The following MAVS variants were observed in gnomAD, a reference collection of about 807,000 sequenced individuals.
MAVS encodes the protein mitochondrial antiviral signaling protein, also known as mitochondrial antiviral-signaling protein.
Under a neutral mutation model 30.2 loss-of-function variants are expected in MAVS, and 20 were observed. That is an observed-to-expected ratio of 0.66 (90% CI 0.47 to 0.96). The LOEUF (loss-of-function observed/expected upper bound fraction) is 0.96. Among genes scored for constraint, MAVS ranks in the 40% least tolerant of loss-of-function variants. The probability of loss-of-function intolerance (pLI) is 0.00; values close to 1 mark genes in which losing one functional copy is unlikely to be tolerated. For synonymous variants in MAVS, 278 were observed against 293.9 expected, an observed-to-expected ratio of 0.95 and a Z score of 0.55; for missense variants, 624 against 701.1, an observed-to-expected ratio of 0.89 and a Z score of 1.24.
intron 3 of MAVS, among the ~76,000 whole-genome samples, chr20:3,859,520 A>AGAC (rs76308650): frequency 2.8e-5 from 4 of 141,804 alleles, no homozygotes; most frequent in Non-Finnish European, 6.1e-5. Flanking sequence ...AAAAAAAAAA[A>AGAC]CCCAAAAATA....
intron 3 of MAVS, among the ~76,000 whole-genome samples, chr20:3,859,388 A>T (rs528093798): frequency 5.9e-5 from 9 of 151,918 alleles, no homozygotes; most frequent in Non-Finnish European, 8.8e-5. Context: ...CAAGCCTGTA[A>T]TCCCAGCTAC....
chr20:3,866,497 C>T lies in MAVS; in HGVS notation c.*350C>T, dbSNP rs183344414. The T allele has an allele frequency of 4.5e-4, 172 of 383,658 alleles. No homozygotes were observed. Among genetic ancestry groups the T allele is most frequent in the Non-Finnish European group, 1.3e-4 (27 of 207,438 alleles). 23.8% of individuals were successfully genotyped at this position (383,658 alleles called of 1,614,324 possible). ...GTTGGCCCAGGTGGAGCAGGAGGGA[C>T]CACTGGAACATGTGGTGCTTGGGAA... is the stretch of plus-strand genomic sequence containing the variant. On this transcript the variant is annotated 3_prime_UTR_variant, in exon 7 of 7. Transcript: ENST00000428216.
At chr20:3,857,569 C>T (rs1600447825) in intron 2 of MAVS, 66 bp from the exon 3 acceptor site, 3 of 1,542,190 alleles carry the variant, frequency 1.9e-6, no homozygotes, top group Non-Finnish European at 2.6e-6. Context: ...GCTGTGGCTT[C>T]ATTCTGGGTG....
Position 3,846,849 on chromosome 20 carries a change from AG to A in MAVS, c.-119del. ...CCCGCCCCGCCTCCTCGCTGCGGGA[AG>A]GGTCCTGGGCCCCGGGCGGCGGTCG... On this transcript the variant is annotated 5_prime_UTR_variant, in exon 1 of 7. Coordinates refer to ENST00000428216, the MANE Select transcript of MAVS (RefSeq NM_020746.5). 2 of 152,400 alleles carry A rather than the reference AG, an allele frequency of 1.3e-5. No homozygotes were observed. Among genetic ancestry groups the A allele is most frequent in the Admixed American group, 1.3e-4 (2 of 15,288 alleles). The allele number at this position is 152,400 out of a possible 1,614,324, so 9.4% of individuals were successfully genotyped here.
chr20:3,864,386 CT>C lies in MAVS; in HGVS notation c.757del (p.Ser253ProfsTer50). On this transcript the variant is annotated frameshift_variant, in exon 6 of 7. Transcript: ENST00000428216. LOFTEE classifies it high-confidence loss of function. ...CAGGGTCAGTTGTATCTACTGGCACCTCCTTCTCCTCCTCATCCCCTGGCTT... is the reference window on the plus strand; with the variant it reads ...CAGGGTCAGTTGTATCTACTGGCACCCCTTCTCCTCCTCATCCCCTGGCTT... ...PTGSVVSTGT[S>X]FSSSSPGLAS... 1 of 1,614,134 alleles carries C rather than the reference CT, an allele frequency of 6.2e-7. No individual in the cohort carries two copies. Among genetic ancestry groups the C allele is most frequent in the Non-Finnish European group, 8.5e-7 (1 of 1,180,030 alleles).
In MAVS at chr20:3,854,891, C is replaced by CTTTCT; in HGVS notation, c.117+153_117+154insCTTTT. The CTTTCT allele has an allele frequency of 1.3e-5, 4 of 303,536 alleles. No individual in the cohort carries two copies. In the South Asian group the frequency reaches 1.8e-4, roughly 14 times the overall value. 18.8% of individuals were successfully genotyped at this position (303,536 alleles called of 1,614,324 possible). On this transcript the variant is annotated intron_variant, in intron 2 of 6. Transcript: ENST00000428216. ...CTTGCTCCTTGTCCTTGCTGCTTTT[C>CTTTCT]TTTTTTTTTTTTTTTTTTGAGATTG...
intron 1 of MAVS, among the ~76,000 whole-genome samples, chr20:3,851,933 C>T (rs1485358874): frequency 2.0e-5 from 3 of 150,692 alleles, no homozygotes; most frequent in Admixed American, 2.0e-4. Flanking sequence ...CCAGCCTGGG[C>T]AACAAGAGTC....
chr20:3,850,114 A>G (rs2089744709), intron 1 of MAVS, among the ~76,000 whole-genome samples: 1 of 151,294 alleles, frequency 6.6e-6, no homozygotes. Context: ...TGTCTCTACT[A>G]AAAATACAAA....
intron 1 of MAVS, among the ~76,000 whole-genome samples, chr20:3,852,077 CT>C (rs1341640399): frequency 2.0e-5 from 3 of 147,974 alleles, no homozygotes; most frequent in Non-Finnish European, 4.4e-5. Context: ...TCACTGCAAG[CT>C]CCGCCTCCCA....
chr20:3,854,746 G>C lies in MAVS; in HGVS notation c.117+5G>C, dbSNP rs760099301. The stretch of plus-strand genomic sequence containing the variant: ...TGCCTCACAGCAAGAGACCAGGTGA[G>C]CAAGGGAAGTGACAGCCCGACACTG... On this transcript the variant is annotated splice_donor_5th_base_variant and intron_variant, in intron 2 of 6. Transcript: ENST00000428216. 1 of 1,604,756 alleles carries C rather than the reference G, an allele frequency of 6.2e-7. No individual in the cohort carries two copies. The highest frequency in any genetic ancestry group is 1.3e-5 in the African/African-American group (1 of 74,838).
At chr20:3,864,944 C>T (rs569373087) in intron 6 of MAVS, among the ~76,000 whole-genome samples, 156 bp downstream of exon 6, 45 of 152,364 alleles carry the variant, frequency 3.0e-4, no homozygotes, top group African/African-American at 1.0e-3. Context: ...AGTTGAGAAC[C>T]AGCCTCATGC....
At chr20:3,854,879 C>T (rs2089796019) in intron 2 of MAVS, 138 bp downstream of exon 2, 7 of 495,738 alleles carry the variant, frequency 1.4e-5, no homozygotes, top group Non-Finnish European at 2.4e-5. Context: ...GCTCCTTGTC[C>T]TTGCTGCTTT....
chr20:3,873,126 G>A lies in MAVS; in HGVS notation c.*6979G>A, dbSNP rs1311430084. The A allele has an allele frequency of 2.0e-5, 3 of 152,230 alleles. No homozygotes were observed. Among genetic ancestry groups the A allele is most frequent in the African/African-American group, 7.2e-5 (3 of 41,446 alleles). 9.4% of individuals were successfully genotyped at this position (152,230 alleles called of 1,614,324 possible). A position where few individuals can be genotyped will look rare whatever the true frequency, so the allele number is the denominator to read the frequency against. On this transcript the variant is annotated 3_prime_UTR_variant, in exon 7 of 7. Transcript: ENST00000428216. ...ATGCTGATGAAAATATGGAGGAAATGAAACTCTCATGGGTTTTGCAGGGAA... is the reference window on the plus strand; with the variant it reads ...ATGCTGATGAAAATATGGAGGAAATAAAACTCTCATGGGTTTTGCAGGGAA...
At chr20:3,860,687 T>C (rs2089859115) in intron 3 of MAVS, among the ~76,000 whole-genome samples, 1 of 151,426 alleles carries the variant, frequency 6.6e-6, no homozygotes, top group Non-Finnish European at 1.5e-5. Flanking sequence ...TTTTTCTTTT[T>C]TTCCCCCGAG....
At chr20:3,850,123 A>G (rs2146753971) in intron 1 of MAVS, among the ~76,000 whole-genome samples, 1 of 151,432 alleles carries the variant, frequency 6.6e-6, no homozygotes, top group African/African-American at 2.4e-5. Context: ...TAAAAATACA[A>G]AAAATTAGCC....
chr20:3,867,191 C>T lies in MAVS; in HGVS notation c.*1044C>T. 1 of 391,600 alleles carries T rather than the reference C, an allele frequency of 2.6e-6. No individual in the cohort carries two copies. Among genetic ancestry groups the T allele is most frequent in the Non-Finnish European group, 5.1e-6 (1 of 195,024 alleles). 24.3% of individuals were successfully genotyped at this position (391,600 alleles called of 1,614,324 possible). ...CAGGCAGCCTAGGCCTGCGTCCCAA[C>T]CTGCCTCTCACCAGCTCTGTGACCT... On this transcript the variant is annotated 3_prime_UTR_variant, in exon 7 of 7. Coordinates refer to ENST00000428216, the MANE Select transcript of MAVS (RefSeq NM_020746.5).
Position 3,854,615 on chromosome 20 carries a change from C to T in MAVS, c.-10C>T. ...GGGGCCAGAGCCCTCTCTCCAGAATCTGAGCAGCAATGCCGTTTGCTGAAG... is the reference window on the plus strand; with the variant it reads ...GGGGCCAGAGCCCTCTCTCCAGAATTTGAGCAGCAATGCCGTTTGCTGAAG... On this transcript the variant is annotated 5_prime_UTR_variant, in exon 2 of 7. Transcript: ENST00000428216. 6.2e-7 allele frequency: 1 copy of T among 1,603,346 alleles called. No homozygotes were observed. The highest frequency in any genetic ancestry group is 1.1e-5 in the South Asian group (1 of 90,460).
chr20:3,856,983 C>A (rs1473112310), intron 2 of MAVS, among the ~76,000 whole-genome samples: 1 of 148,894 alleles, frequency 6.7e-6, no homozygotes, highest in Non-Finnish European at 1.5e-5. Context: ...TTGCAGTAAG[C>A]TGATATCACG....
At chr20:3,850,276 A>G (rs2089747400) in intron 1 of MAVS, among the ~76,000 whole-genome samples, 1 of 51,084 alleles carries the variant, frequency 2.0e-5, no homozygotes, top group African/African-American at 1.5e-4. Flanking sequence ...GACTGTCTCA[A>G]AAAAAAAAAA....
Sources: allele counts gnomAD v4.1 joint callset (sites outside exome capture counted in the v4.1 genomes callset), GRCh38; gene constraint gnomAD v4.1.1; transcripts MANE v1.5; gene names NCBI Gene and HGNC (gene_info 2026-07-23, HGNC 2026-07-21).